C22orf42: variants seen among roughly 807,000 people sequenced by gnomAD.
The protein encoded by C22orf42 is chromosome 22 open reading frame 42, also known as uncharacterized protein C22orf42.
A neutral mutation model predicts 31.4 loss-of-function variants in C22orf42; 24 were observed. That is an observed-to-expected ratio of 0.77 (90% CI 0.55 to 1.08). The LOEUF (loss-of-function observed/expected upper bound fraction) is 1.08, where lower values mean the gene tolerates loss of function less well. Among genes scored for constraint, C22orf42 ranks in the 50% least tolerant of loss-of-function variants. C22orf42 has a pLI of 0.00. For missense variants in C22orf42, 276 were observed against 327.3 expected, an observed-to-expected ratio of 0.84 and a Z score of 1.21; for synonymous variants, 96 against 112.7, an observed-to-expected ratio of 0.85 and a Z score of 0.94.
Position 32,149,268 on chromosome 22 carries a change from C to T in C22orf42, c.*272G>A. On this transcript the variant is annotated 3_prime_UTR_variant, in exon 9 of 9. Coordinates refer to ENST00000382097, the MANE Select transcript of C22orf42 (RefSeq NM_001010859.3). ...GCTGGACCCAGCTCTTCAGATGCAG[C>T]AGATGGATTGACCCACTCTGTAATG... 4.4e-6 allele frequency: 1 copy of T among 226,262 alleles called. No individual in the cohort carries two copies. Among genetic ancestry groups the T allele is most frequent in the Non-Finnish European group, 8.6e-6 (1 of 115,696 alleles). 14.0% of individuals were successfully genotyped at this position (226,262 alleles called of 1,614,324 possible). A position where few individuals can be genotyped will look rare whatever the true frequency, so the allele number is the denominator to read the frequency against.
chr22:32,150,696 A>G, intron 6 of C22orf42: 1 of 627,414 alleles, frequency 1.6e-6, no homozygotes, highest in Non-Finnish European at 2.9e-6. Context: ...GAGCAACTTC[A>G]TCAATGTGAA....
At chr22:32,151,261 A>G (rs1225053479) in intron 5 of C22orf42, among the ~76,000 whole-genome samples, 1 of 152,090 alleles carries the variant, frequency 6.6e-6, no homozygotes, top group Non-Finnish European at 1.5e-5. Context: ...AAAGGTTGCT[A>G]CTGAGAAATA....
chr22:32,157,359 G>T (rs569001839), intron 1 of C22orf42, among the ~76,000 whole-genome samples: 1 of 152,060 alleles, frequency 6.6e-6, no homozygotes, highest in Admixed American at 6.5e-5. Context: ...TCCTCCAGTG[G>T]TTTCCCATCT....
Position 32,150,435 on chromosome 22 carries a change from C to G in C22orf42, c.538G>C (p.Asp180His), listed in dbSNP as rs781093265. The G allele has an allele frequency of 1.2e-6, 2 of 1,614,080 alleles. No individual in the cohort carries two copies. Among genetic ancestry groups the G allele is most frequent in the East Asian group, 4.5e-5 (2 of 44,884 alleles). The change falls in exon 7 of 9, where the codon GAC (aspartate) becomes CAC (histidine). Residue 180 changes from aspartate (D) to histidine (H), a missense_variant. Asp to His is a moderately conservative substitution (Grantham distance 81). Coordinates refer to ENST00000382097, the MANE Select transcript of C22orf42 (RefSeq NM_001010859.3). ...LSESLSVCLE[D>H]FMTSDLSESL... ...TCACTGAGATCCGATGTCATGAAGT[C>G]TTCAAGACAGACAGATAGGCTTTCA...
At position 32,158,983 on chromosome 22, in the gene C22orf42, C is replaced by A. The variant is rs1214410224; in HGVS notation, c.232+1G>T. ...GCAAATGGCACCCATGGCTTCTTTA[C>A]CTTTGGACATCTTCAGCATCTTCGG... is the stretch of plus-strand genomic sequence containing the variant. On this transcript the variant is annotated splice_donor_variant, in intron 1 of 8. Transcript: ENST00000382097. LOFTEE classifies it high-confidence loss of function. 6.2e-7 allele frequency: 1 copy of A among 1,614,192 alleles called. No homozygotes were observed. The highest frequency in any genetic ancestry group is 8.5e-7 in the Non-Finnish European group (1 of 1,180,044).
chr22:32,158,766 G>A (rs1294114648), intron 1 of C22orf42, among the ~76,000 whole-genome samples: 2 of 152,154 alleles, frequency 1.3e-5, no homozygotes, highest in Admixed American at 6.6e-5. Context: ...GAAAAGGGCC[G>A]GGACTAGACC....
chr22:32,160,184 G>A (rs1020979628), upstream of C22orf42: 9 of 152,082 alleles, frequency 5.9e-5, no homozygotes, highest in East Asian at 1.4e-3. Flanking sequence ...TTTCCATGAC[G>A]GCTCAAGATG....
At chr22:32,157,461 G>A (rs1310220939) in intron 1 of C22orf42, among the ~76,000 whole-genome samples, 1 of 149,834 alleles carries the variant, frequency 6.7e-6, no homozygotes, top group Non-Finnish European at 1.5e-5. Context: ...CCACCTTTGT[G>A]TCTTTCTGTC....
At chr22:32,149,663 ATATATCTACATATATG>A (rs768013286) in intron 8 of C22orf42, 50 bp from the exon 9 acceptor site, 23 of 1,253,716 alleles carry the variant, frequency 1.8e-5, no homozygotes, top group Non-Finnish European at 5.2e-6. Context: ...ATATATATAT[ATATATCTACATATATG>A]TATATCTACA....
At chr22:32,158,639 A>G (rs1921406352) in intron 1 of C22orf42, among the ~76,000 whole-genome samples, 1 of 152,208 alleles carries the variant, frequency 6.6e-6, no homozygotes, top group Non-Finnish European at 1.5e-5. Flanking sequence ...GGAATGGGAG[A>G]AAAGAAACAA....
intron 7 of C22orf42, chr22:32,149,987 A>G (rs1004463234): frequency 1.8e-5 from 9 of 488,712 alleles, no homozygotes; most frequent in East Asian, 3.2e-5. Context: ...GCTGGCAAAC[A>G]CAAAATTATT....
intron 1 of C22orf42, among the ~76,000 whole-genome samples, chr22:32,157,738 G>A (rs1200662632): frequency 1.3e-5 from 2 of 152,242 alleles, no homozygotes; most frequent in African/African-American, 4.8e-5. Flanking sequence ...ACTGAAGGCT[G>A]CTGGCCCTGC....
chr22:32,154,170 C>G, intron 2 of C22orf42, 74 bp downstream of exon 2: 3 of 1,538,650 alleles, frequency 1.9e-6, no homozygotes, highest in African/African-American at 1.4e-5. Flanking sequence ...CTGAGTTTCT[C>G]TAATATGGAG....
chr22:32,154,357 T>C (rs1424416474), intron 1 of C22orf42, 39 bp from the exon 2 acceptor site: 2 of 1,603,276 alleles, frequency 1.2e-6, no homozygotes, highest in Non-Finnish European at 1.7e-6. Context: ...TTCTAGGAAA[T>C]GTATTATAAT....
chr22:32,159,436 C>T, upstream of C22orf42: 2 of 1,404,464 alleles, frequency 1.4e-6, no homozygotes, highest in South Asian at 3.0e-5. Flanking sequence ...CCTCACAATG[C>T]CCATCCCTGC....
At chr22:32,149,707 A>G (rs895677880) in intron 8 of C22orf42, 46 bp downstream of exon 8, 5 of 1,182,588 alleles carry the variant, frequency 4.2e-6, no homozygotes, top group South Asian at 2.9e-5. Context: ...ATCTATATCT[A>G]TATCTACATA....
upstream of C22orf42, chr22:32,159,457 C>T (rs1284316857): frequency 2.9e-6 from 4 of 1,383,334 alleles, no homozygotes; most frequent in African/African-American, 1.5e-5. Context: ...TGCTGCCCAC[C>T]TTGTGGCCAC....
intron 1 of C22orf42, among the ~76,000 whole-genome samples, chr22:32,156,144 AT>A (rs200757420): frequency 0.024 from 3,707 of 152,186 alleles, 127 homozygotes; most frequent in African/African-American, 0.079. Flanking sequence ...ACTAAAGGAA[AT>A]TTTTTTTAAA....
upstream of C22orf42, chr22:32,159,418 A>G (rs1258996291): frequency 8.5e-6 from 12 of 1,418,548 alleles, no homozygotes; most frequent in Non-Finnish European, 9.2e-6. Context: ...CCACAGACCC[A>G]CCAAATGCCT....
Sources: gnomAD v4.1 joint callset for allele counts (sites outside exome capture counted in the v4.1 genomes callset) on GRCh38, gnomAD v4.1.1 for gene constraint, MANE v1.5 for transcripts, NCBI Gene and HGNC (gene_info 2026-07-23, HGNC 2026-07-21) for gene names.